NXPE2: variants seen among roughly 807,000 people sequenced by gnomAD.
NXPE2 encodes NXPE family member 2.
NXPE2 carries 34 observed loss-of-function variants against 34.4 expected under a neutral mutation model. The observed-to-expected ratio is 0.99, with a 90% confidence interval of 0.75 to 1.31. The LOEUF (loss-of-function observed/expected upper bound fraction) is 1.31. NXPE2 is among the 40% of genes most tolerant of loss of function. The pLI is 0.00. For missense variants in NXPE2, 649 were observed against 672.5 expected (o/e 0.97, Z 0.39); for synonymous variants, 235 against 231.3 (o/e 1.02, Z -0.15).
the NXPE2 span, among the ~76,000 whole-genome samples, chr11:114,718,420 T>C: frequency 4.6e-5 from 7 of 152,212 alleles, no homozygotes; most frequent in Admixed American, 3.9e-4. Flanking sequence ...CTACTATACA[T>C]CATGCTCTTA....
At chr11:114,617,354 A>T in the NXPE2 span, among the ~76,000 whole-genome samples, 2,466 of 150,852 alleles carry the variant, frequency 0.016, 75 homozygotes, top group African/African-American at 0.055. Context: ...GATAATAAGT[A>T]TTACGTCATT....
chr11:114,795,998 C>T, the NXPE2 span, among the ~76,000 whole-genome samples: 1 of 152,166 alleles, frequency 6.6e-6, no homozygotes, highest in African/African-American at 2.4e-5. Context: ...ACCTAGAATT[C>T]CCCTATCAGC....
At chr11:114,641,727 G>GCA in the NXPE2 span, among the ~76,000 whole-genome samples, 1 of 152,092 alleles carries the variant, frequency 6.6e-6, no homozygotes, top group East Asian at 1.9e-4. Flanking sequence ...AACTCTTAGA[G>GCA]CACACTGAAA....
the NXPE2 span, among the ~76,000 whole-genome samples, chr11:114,533,145 CT>C: frequency 6.6e-6 from 1 of 152,142 alleles, no homozygotes; most frequent in African/African-American, 2.4e-5. Context: ...GAGAAACAGA[CT>C]TTTTTTCCCT....
At chr11:114,653,393 A>AT in the NXPE2 span, among the ~76,000 whole-genome samples, 1 of 151,796 alleles carries the variant, frequency 6.6e-6, no homozygotes, top group African/African-American at 2.4e-5. Flanking sequence ...TAAACCATCT[A>AT]TTTTTTTTCT....
At chr11:114,646,938 G>C in the NXPE2 span, among the ~76,000 whole-genome samples, 3 of 152,118 alleles carry the variant, frequency 2.0e-5, no homozygotes, top group African/African-American at 7.2e-5. Flanking sequence ...CAAATAAGAA[G>C]CATGAGATTG....
At chr11:114,631,409 A>G in the NXPE2 span, among the ~76,000 whole-genome samples, 17 of 151,566 alleles carry the variant, frequency 1.1e-4, no homozygotes, top group Admixed American at 3.3e-4. Flanking sequence ...CATTCTCAGT[A>G]AACTATCGCA....
chr11:114,726,963 G>A, the NXPE2 span, among the ~76,000 whole-genome samples: 704 of 64,970 alleles, frequency 0.011, 3 homozygotes, highest in African/African-American at 0.029. Context: ...GAAGACAGAA[G>A]CTTTCTCTTT....
the NXPE2 span, among the ~76,000 whole-genome samples, chr11:114,797,749 A>G: frequency 6.6e-6 from 1 of 152,234 alleles, no homozygotes; most frequent in Non-Finnish European, 1.5e-5. Context: ...CATTCCAGCA[A>G]CTTTATTAGA....
At chr11:114,700,571 T>C (rs1334384518) in intron 3 of NXPE2, among the ~76,000 whole-genome samples, 1 of 152,032 alleles carries the variant, frequency 6.6e-6, no homozygotes, top group African/African-American at 2.4e-5. Flanking sequence ...GCCTTAGAAG[T>C]CATCTATGTC....
At chr11:114,758,327 C>A in the NXPE2 span, among the ~76,000 whole-genome samples, 1 of 152,200 alleles carries the variant, frequency 6.6e-6, no homozygotes, top group East Asian at 1.9e-4. Context: ...TCTGGCCTAG[C>A]TTCCTACCTA....
At chr11:114,644,449 G>A in the NXPE2 span, among the ~76,000 whole-genome samples, 12 of 152,228 alleles carry the variant, frequency 7.9e-5, no homozygotes, top group Admixed American at 3.3e-4. Flanking sequence ...AGTTTATTGA[G>A]AGTTTTTAGC....
At chr11:114,651,575 C>T in the NXPE2 span, among the ~76,000 whole-genome samples, 156 of 152,276 alleles carry the variant, frequency 1.0e-3, no homozygotes, top group South Asian at 1.9e-3. Flanking sequence ...GCCTTTATTC[C>T]CTTATTTGGC....
chr11:114,515,022 G>A, the NXPE2 span, among the ~76,000 whole-genome samples: 1 of 151,894 alleles, frequency 6.6e-6, no homozygotes, highest in African/African-American at 2.4e-5. Context: ...CAACATTTCT[G>A]TATTGTCATA....
the NXPE2 span, among the ~76,000 whole-genome samples, chr11:114,634,733 T>A: frequency 6.6e-6 from 1 of 152,046 alleles, no homozygotes; most frequent in Non-Finnish European, 1.5e-5. Flanking sequence ...ACTTTCCCCA[T>A]TGCTTGTTTT....
At chr11:114,793,593 A>AAGAGC in the NXPE2 span, among the ~76,000 whole-genome samples, 1 of 152,324 alleles carries the variant, frequency 6.6e-6, no homozygotes, top group Middle Eastern at 3.4e-3. Flanking sequence ...AAGCTTTGGG[A>AAGAGC]AGAGCAGAGC....
the NXPE2 span, among the ~76,000 whole-genome samples, chr11:114,504,286 T>C: frequency 2.5e-4 from 38 of 152,142 alleles, no homozygotes; most frequent in South Asian, 7.3e-3. Context: ...ACAAATCCTG[T>C]ACTGAAAACA....
chr11:114,602,956 T>C, the NXPE2 span, among the ~76,000 whole-genome samples: 2 of 150,114 alleles, frequency 1.3e-5, no homozygotes, highest in Non-Finnish European at 3.0e-5. Context: ...AATTATCTCA[T>C]ATACAATTAC....
chr11:114,758,410 G>A, the NXPE2 span, among the ~76,000 whole-genome samples: 1 of 152,198 alleles, frequency 6.6e-6, no homozygotes, highest in African/African-American at 2.4e-5. Context: ...CTGGGAAATT[G>A]GAATATTTAC....
Sources: allele counts gnomAD v4.1 joint callset (sites outside exome capture counted in the v4.1 genomes callset), GRCh38; gene constraint gnomAD v4.1.1; transcripts MANE v1.5; gene names NCBI Gene and HGNC (gene_info 2026-07-23, HGNC 2026-07-21).